ERC1: variants seen among roughly 807,000 people sequenced by gnomAD.
ERC1 encodes the protein ELKS/RAB6-interacting/CAST family member 1, also known as RAB6 interacting protein 2.
ERC1 carries 56 observed loss-of-function variants against 132.0 expected under a neutral mutation model. That is an observed-to-expected ratio of 0.42 (90% CI 0.34 to 0.53). ERC1 has a LOEUF of 0.53. Among genes scored for constraint, ERC1 ranks in the 20% least tolerant of loss-of-function variants. The pLI is 0.03. For missense variants in ERC1, 1,202 were observed against 1,349.9 expected (o/e 0.89, Z 1.72); for synonymous variants, 478 against 476.1 (o/e 1.00, Z -0.05).
Position 1,027,843 on chromosome 12 carries a change from T to C in ERC1, c.-61T>C. On this transcript the variant is annotated 5_prime_UTR_variant, in exon 2 of 19. Coordinates refer to ENST00000360905, the MANE Select transcript of ERC1 (RefSeq NM_178040.4). ...GTAGCCATAGAGACACCTCACAAGGTTCCCATTTTTGTTGTTGTTGTTGTT... is the reference window on the plus strand; with the variant it reads ...GTAGCCATAGAGACACCTCACAAGGCTCCCATTTTTGTTGTTGTTGTTGTT... The C allele has an allele frequency of 6.8e-7, 1 of 1,462,476 alleles. No homozygotes were observed. The highest frequency in any genetic ancestry group is 9.3e-7 in the Non-Finnish European group (1 of 1,076,406). The allele number at this position is 1,462,476 out of a possible 1,614,324, so 90.6% of individuals were successfully genotyped here. A position where few individuals can be genotyped will look rare whatever the true frequency, so the allele number is the denominator to read the frequency against.
intron 15 of ERC1, among the ~76,000 whole-genome samples, chr12:1,342,293 C>T (rs1291181211): frequency 3.3e-5 from 5 of 151,580 alleles, no homozygotes; most frequent in South Asian, 2.1e-4. Context: ...GGTGAAACCC[C>T]GTCTCTACTA....
Position 1,333,026 on chromosome 12 carries a change from ATCCTCGTCCTGATCCTCG to A in ERC1, c.2781-38802_2781-38785del, listed in dbSNP as rs1406673042. ...TTTAGTTACTTTATAATTCGTCCTG[ATCCTCGTCCTGATCCTCG>A]TCCTGATCCTCGTCCTGATCCTCGT... is the stretch of plus-strand genomic sequence containing the variant. On this transcript the variant is annotated intron_variant, in intron 15 of 18. Transcript: ENST00000360905. 1.2e-4 allele frequency among the ~76,000 whole-genome samples: 11 copies of A among 93,078 alleles called. No homozygotes were observed. In the East Asian group the frequency reaches 2.8e-3, roughly 24 times the overall value. 61.1% of individuals were successfully genotyped at this position (93,078 alleles called of 152,430 possible).
At chr12:1,490,009 T>G in intron 18 of ERC1, 84 bp from the exon 19 acceptor site, 3 of 1,465,472 alleles carry the variant, frequency 2.0e-6, no homozygotes, top group Non-Finnish European at 2.8e-6. Context: ...AGAGTGCCTT[T>G]GTCATTTATT....
intron 4 of ERC1, among the ~76,000 whole-genome samples, chr12:1,108,655 T>C (rs1485985330): frequency 6.6e-6 from 1 of 152,226 alleles, no homozygotes. Context: ...GTACTTTTTA[T>C]GGGTCAGTCA....
chr12:1,273,415 A>C (rs539341744), intron 14 of ERC1, among the ~76,000 whole-genome samples: 5 of 152,324 alleles, frequency 3.3e-5, no homozygotes, highest in Non-Finnish European at 7.3e-5. Context: ...TCTAAACAAA[A>C]GTTACTTTTT....
chr12:1,201,319 T>A (rs987309500), intron 12 of ERC1, among the ~76,000 whole-genome samples: 9 of 152,358 alleles, frequency 5.9e-5, no homozygotes, highest in African/African-American at 2.2e-4. Context: ...ATGATGTGTC[T>A]TCTATCCTTG....
At chr12:1,184,149 AAAAG>A (rs1232692948) in intron 11 of ERC1, among the ~76,000 whole-genome samples, 1 of 123,374 alleles carries the variant, frequency 8.1e-6, no homozygotes, top group African/African-American at 2.6e-5. Context: ...AAAAAAAAAA[AAAAG>A]AAAAAAAAAA....
At chr12:1,296,747 A>G (rs1209501485) in intron 15 of ERC1, among the ~76,000 whole-genome samples, 2 of 152,220 alleles carry the variant, frequency 1.3e-5, no homozygotes, top group African/African-American at 2.4e-5. Context: ...AGAAAGAGTC[A>G]GTGAACTTCA....
At chr12:1,325,482 T>A (rs2082383338) in intron 15 of ERC1, among the ~76,000 whole-genome samples, 1 of 152,174 alleles carries the variant, frequency 6.6e-6, no homozygotes, top group Admixed American at 6.6e-5. Context: ...AAAACAGTCC[T>A]TAGGAGCCAC....
intron 8 of ERC1, among the ~76,000 whole-genome samples, chr12:1,146,327 T>TTTTTTC (rs1239913542): frequency 6.9e-6 from 1 of 145,802 alleles, no homozygotes; most frequent in African/African-American, 2.5e-5. Context: ...TTTTTTTTTT[T>TTTTTTC]TTTTTTGCAG....
At chr12:1,190,289 C>A in intron 12 of ERC1, 3 of 612,778 alleles carry the variant, frequency 4.9e-6, no homozygotes, top group East Asian at 3.2e-5. Context: ...AATTGATTGG[C>A]AAAAAAGAGA....
rs1791848458 is a variant in ERC1, at chr12:1,121,643, CT to C, written c.1569+5611del. On this transcript the variant is annotated intron_variant, in intron 7 of 18. Transcript: ENST00000360905. Reference sequence around the variant, plus strand: ...GGCAAATGAAACAAAGGCTGATGATCTCTATCTCTATCTCTATCTCTATCTC... The same window carrying C: ...GGCAAATGAAACAAAGGCTGATGATCCTATCTCTATCTCTATCTCTATCTC... Among the ~76,000 whole-genome samples, 7 of 21,024 alleles carry C rather than the reference CT, an allele frequency of 3.3e-4. 1 individual carries two copies. Among genetic ancestry groups the C allele is most frequent in the Non-Finnish European group, 7.3e-4 (6 of 8,194 alleles). 13.8% of individuals were successfully genotyped at this position (21,024 alleles called of 152,430 possible). A position where few individuals can be genotyped will look rare whatever the true frequency, so the allele number is the denominator to read the frequency against.
In ERC1 at chr12:1,027,785, G is replaced by A; in HGVS notation, c.-119G>A. On this transcript the variant is annotated 5_prime_UTR_variant, in exon 2 of 19. Transcript: ENST00000360905. ...ATACTTCTTCAAGATTGGACAGCTG[G>A]GGACCTTCTTCTGATTAACCTTAAA... The A allele has an allele frequency of 1.3e-6, 1 of 752,038 alleles. No individual in the cohort carries two copies. Among genetic ancestry groups the A allele is most frequent in the Admixed American group, 2.3e-5 (1 of 42,594 alleles). 46.6% of individuals were successfully genotyped at this position (752,038 alleles called of 1,614,324 possible). A position where few individuals can be genotyped will look rare whatever the true frequency, so the allele number is the denominator to read the frequency against.
intron 15 of ERC1, among the ~76,000 whole-genome samples, chr12:1,338,943 G>A (rs140189432): frequency 5.9e-5 from 9 of 152,316 alleles, no homozygotes; most frequent in African/African-American, 1.2e-4. Flanking sequence ...AGTGCTCCAC[G>A]ATCACTGGTC....
At chr12:1,166,221 C>T (rs1046266931) in intron 8 of ERC1, among the ~76,000 whole-genome samples, 1 of 152,170 alleles carries the variant, frequency 6.6e-6, no homozygotes, top group African/African-American at 2.4e-5. Context: ...GCAATTGCAT[C>T]ATGGGATGGG....
At chr12:1,195,082 C>T (rs571560048) in intron 12 of ERC1, among the ~76,000 whole-genome samples, 97 of 150,900 alleles carry the variant, frequency 6.4e-4, no homozygotes, top group African/African-American at 2.3e-3. Flanking sequence ...ATAAGAAGTC[C>T]GCAGAAGCCC....
chr12:1,215,728 CAG>C (rs1474381884), intron 12 of ERC1, among the ~76,000 whole-genome samples: 2 of 151,860 alleles, frequency 1.3e-5, no homozygotes, highest in Non-Finnish European at 2.9e-5. Flanking sequence ...TCGGCAAAGA[CAG>C]GGTAAGGGAA....
chr12:1,400,018 C>T (rs762538931), intron 16 of ERC1, among the ~76,000 whole-genome samples: 17 of 151,774 alleles, frequency 1.1e-4, no homozygotes, highest in Non-Finnish European at 2.1e-4. Context: ...AATATATGAC[C>T]GTCCCTACAC....
At chr12:1,041,429 A>G (rs947513529) in intron 2 of ERC1, among the ~76,000 whole-genome samples, 2 of 151,530 alleles carry the variant, frequency 1.3e-5, no homozygotes, top group African/African-American at 4.9e-5. Flanking sequence ...CTGGTCTGGA[A>G]CTCCTGACCT....
Sources: gnomAD v4.1 joint callset for allele counts (sites outside exome capture counted in the v4.1 genomes callset) on GRCh38, gnomAD v4.1.1 for gene constraint, MANE v1.5 for transcripts, NCBI Gene and HGNC (gene_info 2026-07-23, HGNC 2026-07-21) for gene names.